The following TMEM222 variants were observed in gnomAD, a reference collection of about 807,000 sequenced individuals.
TMEM222 encodes chromosome 1 open reading frame 160.
A neutral mutation model predicts 25.1 loss-of-function variants in TMEM222; 18 were observed. The observed-to-expected ratio is 0.72, with a 90% CI of 0.50 to 1.06. The LOEUF (loss-of-function observed/expected upper bound fraction) is 1.06, where lower values mean the gene tolerates loss of function less well. Ranked by LOEUF, TMEM222 falls within the 50% of genes least tolerant of loss-of-function variation. The pLI is 0.00. For synonymous variants in TMEM222, 131 were observed against 117.9 expected, an observed-to-expected ratio of 1.11 and a Z score of -0.72; for missense variants, 296 against 293.7, an observed-to-expected ratio of 1.01 and a Z score of -0.06.
chr1:27,332,017 C>T, intron 2 of TMEM222, 53 bp from the exon 3 acceptor site: 1 of 1,608,618 alleles, frequency 6.2e-7, no homozygotes, highest in Admixed American at 1.7e-5. Flanking sequence ...CCAGGTTTGT[C>T]ATCTGGCCCA....
chr1:27,325,455 C>T, intron 1 of TMEM222: 1 of 1,335,708 alleles, frequency 7.5e-7, no homozygotes, highest in Non-Finnish European at 1.1e-6. Context: ...GGCGCTGTTC[C>T]AGCCTTCCTT....
At chr1:27,323,523 T>TA (rs1443940315) in intron 1 of TMEM222, among the ~76,000 whole-genome samples, 2 of 152,232 alleles carry the variant, frequency 1.3e-5, no homozygotes, top group African/African-American at 4.8e-5. Context: ...CTCATGCCTG[T>TA]AATCCCAGCA....
chr1:27,333,112 G>A (rs2014520217), intron 3 of TMEM222: 11 of 348,828 alleles, frequency 3.2e-5, no homozygotes, highest in South Asian at 2.0e-4. Context: ...TGGGAGACTA[G>A]GGGAGAGTGC....
chr1:27,334,937 G>A, intron 5 of TMEM222: 1 of 544,150 alleles, frequency 1.8e-6, no homozygotes, highest in Non-Finnish European at 2.5e-6. Context: ...CTTGGCTCCA[G>A]CCACAACACT....
At chr1:27,330,290 A>C (rs1372342159) in intron 1 of TMEM222, among the ~76,000 whole-genome samples, 1 of 140,336 alleles carries the variant, frequency 7.1e-6, no homozygotes. Context: ...CCAGCTACTC[A>C]GGAGGCTGAG....
Position 27,335,475 on chromosome 1 carries a change from C to T in TMEM222, c.*9C>T, listed in dbSNP as rs201100493. 56 of 1,613,632 alleles carry T rather than the reference C, an allele frequency of 3.5e-5. 1 individual carries two copies. Among genetic ancestry groups the T allele is most frequent in the African/African-American group, 9.3e-5 (7 of 74,936 alleles). On this transcript the variant is annotated 3_prime_UTR_variant, in exon 6 of 6. Transcript: ENST00000374076. ...TCTTTAACCTCCGGTGATGGCTGCT[C>T]GGTGGCCCCACACCCACCAGGGTCC...
chr1:27,333,660 C>G (rs1014098947), intron 3 of TMEM222: 1 of 441,384 alleles, frequency 2.3e-6, no homozygotes, highest in African/African-American at 2.0e-5. Flanking sequence ...CCCAAAGGCC[C>G]CACCTCCTCA....
chr1:27,331,202 A>AGG, intron 2 of TMEM222: 17 of 1,071,850 alleles, frequency 1.6e-5, no homozygotes, highest in Non-Finnish European at 1.9e-5. Context: ...CATGGAGAAG[A>AGG]GGGGGTGGGG....
chr1:27,326,624 A>G (rs767037682), intron 1 of TMEM222, among the ~76,000 whole-genome samples: 8 of 152,140 alleles, frequency 5.3e-5, no homozygotes, highest in Non-Finnish European at 1.2e-4. Flanking sequence ...TTGTATGTTC[A>G]CTCACTCAAT....
chr1:27,330,762 C>A lies in TMEM222; in HGVS notation c.237C>A (p.Ser79=). ...TCGGCCACATGGGCATCTGCACATCCACAGGAGTCATTCGGGACTTCGCGG... is the reference window on the plus strand; with the variant it reads ...TCGGCCACATGGGCATCTGCACATCAACAGGAGTCATTCGGGACTTCGCGG... ...PIIGHMGICT[S]TGVIRDFAGP... Residue 79 remains serine, a synonymous_variant, in exon 2 of 6, where the codon TCC becomes TCA. Coordinates refer to ENST00000374076, the MANE Select transcript of TMEM222 (RefSeq NM_032125.3). 6.2e-7 allele frequency: 1 copy of A among 1,614,218 alleles called. No individual in the cohort carries two copies. Among genetic ancestry groups the A allele is most frequent in the Non-Finnish European group, 8.5e-7 (1 of 1,180,036 alleles).
intron 1 of TMEM222, among the ~76,000 whole-genome samples, chr1:27,329,402 C>G (rs1318632094): frequency 1.3e-5 from 2 of 152,146 alleles, no homozygotes; most frequent in African/African-American, 4.8e-5. Context: ...ACAGATTCCA[C>G]CCCGCTGTGG....
chr1:27,323,877 G>A (rs1467581394), intron 1 of TMEM222, among the ~76,000 whole-genome samples: 1 of 152,212 alleles, frequency 6.6e-6, no homozygotes. Context: ...GATAGTTCTA[G>A]GTGATGCGAA....
At chr1:27,332,721 A>G (rs2014510616) in intron 3 of TMEM222, 3 of 586,496 alleles carry the variant, frequency 5.1e-6, no homozygotes, top group Admixed American at 5.7e-5. Flanking sequence ...GCCGAGGAGG[A>G]GTTGGTGTCC....
intron 3 of TMEM222, chr1:27,332,485 A>G: frequency 1.4e-6 from 1 of 718,200 alleles, no homozygotes; most frequent in Non-Finnish European, 2.6e-6. Flanking sequence ...TGAGGCATGG[A>G]AGGTAGAAGA....
chr1:27,334,211 TACA>T lies in TMEM222; in HGVS notation c.476_478del (p.Asn159del), dbSNP rs1186468488. The T allele has an allele frequency of 2.5e-6, 4 of 1,614,066 alleles. No individual in the cohort carries two copies. The highest frequency in any genetic ancestry group is 1.3e-5 in the African/African-American group (1 of 74,940). On this transcript the variant is annotated inframe_deletion, in exon 5 of 6. Coordinates refer to ENST00000374076, the MANE Select transcript of TMEM222 (RefSeq NM_032125.3). ...GGCATTGGCCCTGAATCTGATGCGC[TACA>T]ACAACAGCACCAACTGGAATATGGT...
intron 2 of TMEM222, among the ~76,000 whole-genome samples, chr1:27,331,774 A>G (rs1277104386): frequency 6.6e-6 from 1 of 152,266 alleles, no homozygotes; most frequent in African/African-American, 2.4e-5. Context: ...TGAGGCCCAG[A>G]GAGGGCAAGA....
chr1:27,323,454 G>A (rs940434601), intron 1 of TMEM222, among the ~76,000 whole-genome samples: 1 of 152,194 alleles, frequency 6.6e-6, no homozygotes, highest in African/African-American at 2.4e-5. Context: ...AAGTACTTAT[G>A]CATATAAGAG....
At position 27,335,497 on chromosome 1, in the gene TMEM222, G is replaced by T; in HGVS notation, c.*31G>T. 1 of 1,608,796 alleles carries T rather than the reference G, an allele frequency of 6.2e-7. No individual in the cohort carries two copies. On this transcript the variant is annotated 3_prime_UTR_variant, in exon 6 of 6. Transcript: ENST00000374076. ...GCTCGGTGGCCCCACACCCACCAGG[G>T]TCCCGAGGAAACAGCCGCCATCCCT... is the stretch of plus-strand genomic sequence containing the variant.
chr1:27,334,147 C>T lies in TMEM222; in HGVS notation c.409-4C>T, dbSNP rs769935918. 2 of 1,614,162 alleles carry T rather than the reference C, an allele frequency of 1.2e-6. No individual in the cohort carries two copies. Among genetic ancestry groups the T allele is most frequent in the Non-Finnish European group, 8.5e-7 (1 of 1,180,030 alleles). On this transcript the variant is annotated splice_region_variant and splice_polypyrimidine_tract_variant and intron_variant, in intron 4 of 5. Transcript: ENST00000374076. ...ATCCTGACCAGCCCTTCTGGTGCCT[C>T]CAGCACAATCTCTGCTGTGACAACT...
Sources: gnomAD v4.1 joint callset for allele counts (sites outside exome capture counted in the v4.1 genomes callset) on GRCh38, gnomAD v4.1.1 for gene constraint, MANE v1.5 for transcripts, NCBI Gene and HGNC (gene_info 2026-07-23, HGNC 2026-07-21) for gene names.